MANBA: variants seen among roughly 807,000 people sequenced by gnomAD.
MANBA encodes the protein mannosidase beta, also known as beta-mannosidase.
A neutral mutation model predicts 111.1 loss-of-function variants in MANBA; 83 were observed. The ratio of observed to expected loss-of-function variants is 0.75; its 90% CI spans 0.63 to 0.90. The LOEUF (loss-of-function observed/expected upper bound fraction) is 0.90, where lower values mean the gene tolerates loss of function less well. MANBA is among the 40% of genes least tolerant of loss of function. The pLI, the probability that MANBA is intolerant of heterozygous loss-of-function variation, is 0.00. For synonymous variants in MANBA, 370 were observed against 378.7 expected, an observed-to-expected ratio of 0.98 and a Z score of 0.27; for missense variants, 1,036 against 1,069.0, an observed-to-expected ratio of 0.97 and a Z score of 0.43.
At chr4:102,734,605 A>C in intron 1 of MANBA, 1 of 1,602,550 alleles carries the variant, frequency 6.2e-7, no homozygotes, top group Non-Finnish European at 8.5e-7. Flanking sequence ...GAGACCAAGA[A>C]GAAGCGGTAG....
chr4:102,718,193 T>C (rs1302436477), intron 4 of MANBA, among the ~76,000 whole-genome samples: 3 of 152,230 alleles, frequency 2.0e-5, no homozygotes, highest in Admixed American at 2.0e-4. Flanking sequence ...TTGTGGATAG[T>C]ATTCCATTCA....
intron 13 of MANBA, among the ~76,000 whole-genome samples, chr4:102,643,426 G>T (rs1729966472): frequency 6.6e-6 from 1 of 152,082 alleles, no homozygotes; most frequent in Admixed American, 6.5e-5. Flanking sequence ...GAGTAAAATT[G>T]CTGGGTCATA....
intron 13 of MANBA, among the ~76,000 whole-genome samples, chr4:102,648,249 T>A (rs913857305): frequency 6.6e-6 from 1 of 152,102 alleles, no homozygotes; most frequent in Non-Finnish European, 1.5e-5. Flanking sequence ...GAAATCTATG[T>A]CCATACGAAG....
chr4:102,684,586 T>A (rs10004772), intron 7 of MANBA, among the ~76,000 whole-genome samples: 13,974 of 152,234 alleles, frequency 0.092, 987 homozygotes, highest in East Asian at 0.31. Context: ...AATAAAATTT[T>A]ATACAACTTA....
intron 1 of MANBA, chr4:102,729,280 T>C: frequency 1.3e-6 from 1 of 752,528 alleles, no homozygotes; most frequent in East Asian, 2.5e-5. Context: ...CTGCAGGTCA[T>C]CCTCGTGCTT....
chr4:102,710,285 T>C (rs1424656120), intron 5 of MANBA, among the ~76,000 whole-genome samples: 1 of 152,172 alleles, frequency 6.6e-6, no homozygotes, highest in Non-Finnish European at 1.5e-5. Flanking sequence ...AAAAAATTCT[T>C]AGATCTGATA....
Position 102,714,474 on chromosome 4 carries a change from A to C in MANBA, c.637T>G (p.Cys213Gly). Residue 213 changes from cysteine to glycine, a missense_variant, in exon 5 of 17, where the codon TGT (cysteine) becomes GGT (glycine). Physicochemically the swap from Cys to Gly is radical, Grantham distance 159. Transcript: ENST00000647097. The part of the protein sequence containing the change: ...KDVRIEAYNI[C>G]HLNYFTFSPI... The stretch of plus-strand genomic sequence containing the variant: ...GAAAATGTGAAGTAGTTCAGGTGAC[A>C]AATATTATAGGCTTCAATTCTAACA... 6.2e-7 allele frequency: 1 copy of C among 1,607,016 alleles called. No homozygotes were observed. The highest frequency in any genetic ancestry group is 8.5e-7 in the Non-Finnish European group (1 of 1,173,546).
intron 1 of MANBA, chr4:102,729,148 C>T (rs1578944821): frequency 5.5e-6 from 4 of 727,282 alleles, no homozygotes; most frequent in Non-Finnish European, 1.0e-5. Flanking sequence ...CAGCCAGCCC[C>T]CTGTGCTGCA....
chr4:102,664,688 C>A lies in MANBA; in HGVS notation c.1482G>T (p.Leu494=), dbSNP rs74718667. The part of the protein sequence containing the change: ...LYVKNIRELV[L]AGDKSRPFIT... ...TGCATTAAAAATCATTACTTACTGCCAGTACGAGCTCTCTGATGTTTTTCA... is the reference window on the plus strand; with the variant it reads ...TGCATTAAAAATCATTACTTACTGCAAGTACGAGCTCTCTGATGTTTTTCA... The change falls in exon 11 of 17, where the codon CTG becomes CTT. Residue 494 remains leucine (L), a synonymous_variant. Transcript: ENST00000647097. 3.9e-3 allele frequency: 6,318 copies of A among 1,610,970 alleles called. 266 individuals carry two copies. In the African/African-American group the frequency reaches 0.077, roughly 20 times the overall value.
At chr4:102,690,261 C>T (rs1028311923) in intron 6 of MANBA, among the ~76,000 whole-genome samples, 1 of 151,992 alleles carries the variant, frequency 6.6e-6, no homozygotes, top group African/African-American at 2.4e-5. Context: ...TCAAAAATAA[C>T]CACTGCTATT....
chr4:102,739,235 C>A (rs1047873966), intron 1 of MANBA, among the ~76,000 whole-genome samples: 1 of 152,162 alleles, frequency 6.6e-6, no homozygotes, highest in South Asian at 2.1e-4. Context: ...AATATACAAT[C>A]TTCTCAGATT....
chr4:102,713,820 C>G (rs772077293), intron 5 of MANBA, among the ~76,000 whole-genome samples: 4 of 149,010 alleles, frequency 2.7e-5, no homozygotes, highest in Non-Finnish European at 5.9e-5. Context: ...CGCTTGAACC[C>G]GGGAGGCAGA....
At chr4:102,716,301 C>A (rs1722328525) in intron 4 of MANBA, among the ~76,000 whole-genome samples, 1 of 86,712 alleles carries the variant, frequency 1.2e-5, no homozygotes. Flanking sequence ...AAGAGTGAAA[C>A]TCAGTCTCAA....
At chr4:102,648,932 G>GT (rs373865555) in intron 13 of MANBA, among the ~76,000 whole-genome samples, 26 of 150,448 alleles carry the variant, frequency 1.7e-4, no homozygotes, top group African/African-American at 2.2e-4. Flanking sequence ...CATCTTGATT[G>GT]TTTTTTTTTC....
chr4:102,661,567 C>A (rs1730956447), intron 11 of MANBA, among the ~76,000 whole-genome samples: 1 of 152,180 alleles, frequency 6.6e-6, no homozygotes, highest in Non-Finnish European at 1.5e-5. Context: ...AAGAAGAAGG[C>A]CAGTCAATTG....
intron 5 of MANBA, among the ~76,000 whole-genome samples, chr4:102,712,287 TC>T (rs1170520412): frequency 6.6e-6 from 1 of 152,206 alleles, no homozygotes; most frequent in African/African-American, 2.4e-5. Flanking sequence ...ATTTTAAGCA[TC>T]ATTTAAATTA....
intron 5 of MANBA, among the ~76,000 whole-genome samples, chr4:102,695,963 C>T (rs1191453023): frequency 2.0e-5 from 3 of 152,102 alleles, no homozygotes; most frequent in Non-Finnish European, 2.9e-5. Context: ...TGTAGTGGCT[C>T]GTGCCTATAG....
In MANBA at chr4:102,743,082, T is replaced by C. The variant is rs534556389; in HGVS notation, c.178-16399A>G. Among the ~76,000 whole-genome samples the C allele has an allele frequency of 2.0e-5, 3 of 152,192 alleles. No individual in the cohort carries two copies. The South Asian group carries it at 6.2e-4, about 32-fold the overall frequency. On this transcript the variant is annotated intron_variant, in intron 1 of 16. Transcript: ENST00000647097. Reference sequence around the variant, plus strand: ...GGCTGAGTGTTGTCCACAGAACGAGTCATCCTATTCACTTGATTATTAAAA... The same window carrying C: ...GGCTGAGTGTTGTCCACAGAACGAGCCATCCTATTCACTTGATTATTAAAA...
intron 7 of MANBA, among the ~76,000 whole-genome samples, chr4:102,688,322 CACAT>C (rs150581556): frequency 0.021 from 3,172 of 151,456 alleles, 128 homozygotes; most frequent in African/African-American, 0.074. Flanking sequence ...CACACAAACA[CACAT>C]ACACTCTCTT....
Sources: gnomAD v4.1 joint callset for allele counts (sites outside exome capture counted in the v4.1 genomes callset) on GRCh38, gnomAD v4.1.1 for gene constraint, MANE v1.5 for transcripts, NCBI Gene and HGNC (gene_info 2026-07-23, HGNC 2026-07-21) for gene names.